Variants in OSBPL9 observed in about 807,000 individuals in gnomAD.
The protein encoded by OSBPL9 is oxysterol-binding protein-related protein 9.
In OSBPL9, 40 loss-of-function variants were observed where a neutral mutation model predicts 106.6. That is an observed-to-expected ratio of 0.38 (90% CI 0.29 to 0.49). The LOEUF is 0.49. Ranked by LOEUF, OSBPL9 falls within the 20% of genes least tolerant of loss-of-function variation. The pLI, the probability that OSBPL9 is intolerant of heterozygous loss-of-function variation, is 0.97. For missense variants in OSBPL9, 609 were observed against 887.2 expected, an observed-to-expected ratio of 0.69 and a Z score of 3.98; for synonymous variants, 269 against 295.4, an observed-to-expected ratio of 0.91 and a Z score of 0.92.
chr1:51,617,261 C>T (rs1644099508), intron 1 of OSBPL9, 40 bp downstream of exon 1: 3 of 1,555,488 alleles, frequency 1.9e-6, no homozygotes, highest in Non-Finnish European at 1.7e-6. Flanking sequence ...GCCTCGGGGC[C>T]GCGTTTCCTG....
chr1:51,765,680 G>A, intron 11 of OSBPL9, 142 bp from the exon 12 acceptor site: 3 of 660,400 alleles, frequency 4.5e-6, no homozygotes, highest in East Asian at 3.1e-5. Context: ...TTTAAATGTT[G>A]ATTTTCTTTA....
At chr1:51,529,568 T>C in the OSBPL9 span, among the ~76,000 whole-genome samples, 2 of 152,028 alleles carry the variant, frequency 1.3e-5, no homozygotes, top group Non-Finnish European at 2.9e-5. Context: ...CAAGATAGCA[T>C]GGTACTAGTA....
intron 2 of OSBPL9, among the ~76,000 whole-genome samples, chr1:51,665,868 A>T (rs1330194614): frequency 6.6e-6 from 1 of 151,954 alleles, no homozygotes; most frequent in Non-Finnish European, 1.5e-5. Flanking sequence ...GTATATATAT[A>T]TATTTTTTTA....
chr1:51,620,329 T>C (rs1013101919), intron 1 of OSBPL9, among the ~76,000 whole-genome samples: 1 of 152,172 alleles, frequency 6.6e-6, no homozygotes, highest in South Asian at 2.1e-4. Flanking sequence ...GAAAGGTTAC[T>C]GAGTACCTAT....
the OSBPL9 span, among the ~76,000 whole-genome samples, chr1:51,550,941 A>G: frequency 6.6e-6 from 1 of 152,232 alleles, no homozygotes; most frequent in Non-Finnish European, 1.5e-5. Context: ...TAGTAGTGAT[A>G]GCAACCATTT....
chr1:51,735,342 A>G (rs1326761399), intron 4 of OSBPL9, among the ~76,000 whole-genome samples: 2 of 151,988 alleles, frequency 1.3e-5, no homozygotes, highest in Non-Finnish European at 2.9e-5. Flanking sequence ...TCTTAGCCCT[A>G]CTCTCACTTC....
intron 4 of OSBPL9, among the ~76,000 whole-genome samples, chr1:51,725,819 C>G (rs917356175): frequency 2.0e-5 from 3 of 152,254 alleles, no homozygotes; most frequent in East Asian, 1.9e-4. Context: ...GGTTCTCCCC[C>G]CTGCCCATAT....
At chr1:51,586,232 G>T (rs1301791470) in intron 1 of OSBPL9, among the ~76,000 whole-genome samples, 2 of 151,870 alleles carry the variant, frequency 1.3e-5, no homozygotes, top group Non-Finnish European at 2.9e-5. Flanking sequence ...CAAGTTCATT[G>T]TAGAAAATAA....
At chr1:51,542,738 A>G in the OSBPL9 span, among the ~76,000 whole-genome samples, 2 of 152,218 alleles carry the variant, frequency 1.3e-5, no homozygotes, top group South Asian at 2.1e-4. Flanking sequence ...AAACTAGGTC[A>G]CTGGACCAAA....
chr1:51,642,374 G>T (rs1008353544), intron 1 of OSBPL9, among the ~76,000 whole-genome samples: 7 of 152,078 alleles, frequency 4.6e-5, no homozygotes, highest in Non-Finnish European at 1.0e-4. Context: ...AAAGTACTTG[G>T]CAGGCTCTTA....
chr1:51,659,149 G>A (rs1646989788), intron 2 of OSBPL9, among the ~76,000 whole-genome samples: 1 of 152,042 alleles, frequency 6.6e-6, no homozygotes, highest in Non-Finnish European at 1.5e-5. Flanking sequence ...CTGGGAAACA[G>A]AATTAATATC....
intron 1 of OSBPL9, among the ~76,000 whole-genome samples, chr1:51,579,085 TCACTCTGTTGC>T (rs1174162641): frequency 6.6e-6 from 1 of 150,514 alleles, no homozygotes; most frequent in East Asian, 1.9e-4. Flanking sequence ...AGATGGATTC[TCACTCTGTTGC>T]CCAGGCTGGA....
intron 4 of OSBPL9, among the ~76,000 whole-genome samples, chr1:51,727,918 A>G (rs1190803561): frequency 6.6e-6 from 1 of 152,244 alleles, no homozygotes; most frequent in Non-Finnish European, 1.5e-5. Context: ...TACATGGGCT[A>G]TGACGATGTA....
chr1:51,671,639 A>G (rs957946155), intron 3 of OSBPL9, among the ~76,000 whole-genome samples: 26 of 152,250 alleles, frequency 1.7e-4, no homozygotes, highest in African/African-American at 6.0e-4. Context: ...ATGATAAGTT[A>G]GTAAAATATA....
chr1:51,603,705 TAA>T (rs941489289), intron 2 of OSBPL9, among the ~76,000 whole-genome samples: 10 of 152,280 alleles, frequency 6.6e-5, no homozygotes, highest in Non-Finnish European at 1.3e-4. Flanking sequence ...TTATAGGCAA[TAA>T]AAACATTTCA....
the OSBPL9 span, among the ~76,000 whole-genome samples, chr1:51,570,549 C>T: frequency 1.3e-4 from 20 of 152,320 alleles, no homozygotes; most frequent in South Asian, 4.1e-3. Flanking sequence ...AGGTTACTTA[C>T]TCAAGATGAC....
rs758760414 is a variant in OSBPL9 at position 51,602,018 on chromosome 1, CT to C, written c.-353+3845del. Among the ~76,000 whole-genome samples, 48 of 76,396 alleles carry C rather than the reference CT, an allele frequency of 6.3e-4. 3 individuals are homozygous for C. In the East Asian group the frequency reaches 9.7e-3, roughly 16 times the overall value. The allele number at this position is 76,396 out of a possible 152,430, so 50.1% of individuals were successfully genotyped here. ...AGTCAATTGTTCCATTCTTGGGGTTCTTTTTTTTTTTTTTTTTTTTGAGACG... is the reference window on the plus strand; with the variant it reads ...AGTCAATTGTTCCATTCTTGGGGTTCTTTTTTTTTTTTTTTTTTTGAGACG... On this transcript the variant is annotated intron_variant, in intron 2 of 25. Transcript: ENST00000371714.
intron 8 of OSBPL9, among the ~76,000 whole-genome samples, chr1:51,751,166 C>T (rs1271343524): frequency 1.3e-5 from 2 of 152,178 alleles, no homozygotes; most frequent in Admixed American, 1.3e-4. Context: ...CAGCTCACTG[C>T]AACCTCTGCC....
chr1:51,561,667 A>G, the OSBPL9 span: 2 of 152,238 alleles, frequency 1.3e-5, no homozygotes, highest in Non-Finnish European at 2.9e-5. Context: ...TGGCATATGC[A>G]AAGTCTTTAA....
Sources: allele counts gnomAD v4.1 joint callset (sites outside exome capture counted in the v4.1 genomes callset), GRCh38; gene constraint gnomAD v4.1.1; transcripts MANE v1.5; gene names NCBI Gene and HGNC (gene_info 2026-07-23, HGNC 2026-07-21).